VEGFC: variants seen among roughly 807,000 people sequenced by gnomAD.
The protein encoded by VEGFC is FLT4 ligand DHM.
Under a neutral mutation model 46.1 loss-of-function variants are expected in VEGFC, and 12 were observed. That is an observed-to-expected ratio of 0.26 (90% CI 0.17 to 0.42). The LOEUF (loss-of-function observed/expected upper bound fraction) is 0.42. VEGFC is among the 10% of genes least tolerant of loss of function. The pLI is 1.00. For synonymous variants in VEGFC, 232 were observed against 195.5 expected, an observed-to-expected ratio of 1.19 and a Z score of -1.56; for missense variants, 488 against 529.4, an observed-to-expected ratio of 0.92 and a Z score of 0.77.
At chr4:176,715,085 A>G (rs1186547849) in intron 3 of VEGFC, among the ~76,000 whole-genome samples, 1 of 152,182 alleles carries the variant, frequency 6.6e-6, no homozygotes, top group Non-Finnish European at 1.5e-5. Flanking sequence ...ACAGTTGGAG[A>G]GAAAAAAATC....
intron 1 of VEGFC, among the ~76,000 whole-genome samples, chr4:176,784,593 T>A (rs4568191): frequency 4.8e-4 from 71 of 148,844 alleles, no homozygotes; most frequent in East Asian, 1.0e-3. Context: ...TAAAAAAATA[T>A]AAAAAAAAAA....
At chr4:176,703,430 C>T (rs1317541799) in intron 4 of VEGFC, among the ~76,000 whole-genome samples, 1 of 151,868 alleles carries the variant, frequency 6.6e-6, no homozygotes, top group South Asian at 2.1e-4. Flanking sequence ...AAGTGAATCT[C>T]ACGGAAGTAG....
At chr4:176,729,909 T>C (rs1734933635) in intron 1 of VEGFC, among the ~76,000 whole-genome samples, 163 bp from the exon 2 acceptor site, 1 of 152,214 alleles carries the variant, frequency 6.6e-6, no homozygotes, top group Non-Finnish European at 1.5e-5. Context: ...AAATTATATT[T>C]GTATTTTAAT....
intron 1 of VEGFC, among the ~76,000 whole-genome samples, chr4:176,771,106 G>C (rs1735714583): frequency 6.6e-6 from 1 of 152,058 alleles, no homozygotes; most frequent in Non-Finnish European, 1.5e-5. Context: ...AGTTAACCTG[G>C]TTTTTGCTAG....
intron 1 of VEGFC, among the ~76,000 whole-genome samples, chr4:176,781,024 G>A (rs1012955221): frequency 2.0e-5 from 3 of 151,992 alleles, no homozygotes; most frequent in Admixed American, 6.6e-5. Flanking sequence ...AGGCTTCACT[G>A]CTACCAATAT....
chr4:176,715,474 G>A (rs1363181721), intron 3 of VEGFC, among the ~76,000 whole-genome samples: 1 of 152,020 alleles, frequency 6.6e-6, no homozygotes, highest in Non-Finnish European at 1.5e-5. Flanking sequence ...TGCCATCTGG[G>A]TATGTATTAA....
At chr4:176,692,311 G>T (rs1041505895) in intron 4 of VEGFC, among the ~76,000 whole-genome samples, 2 of 134,020 alleles carry the variant, frequency 1.5e-5, no homozygotes, top group Non-Finnish European at 3.0e-5. Flanking sequence ...GGAGAATGGC[G>T]TGAACCCGGC....
At position 176,730,999 on chromosome 4, in the gene VEGFC, T is replaced by C. The variant is rs531580051; in HGVS notation, c.148-1253A>G. Among the ~76,000 whole-genome samples, 5 of 152,256 alleles carry C rather than the reference T, an allele frequency of 3.3e-5. No individual in the cohort carries two copies. The South Asian group carries it at 6.2e-4, about 19-fold the overall frequency. On this transcript the variant is annotated intron_variant, in intron 1 of 6. Coordinates refer to ENST00000618562, the MANE Select transcript of VEGFC (RefSeq NM_005429.5). ...TGAAGTTGGCTGTGAATGTTGAGTTTACCCTTTCACTACCATTTATGGTAT... is the reference window on the plus strand; with the variant it reads ...TGAAGTTGGCTGTGAATGTTGAGTTCACCCTTTCACTACCATTTATGGTAT...
intron 1 of VEGFC, among the ~76,000 whole-genome samples, chr4:176,735,018 G>C (rs558888011): frequency 5.9e-5 from 9 of 151,534 alleles, no homozygotes; most frequent in Admixed American, 1.3e-4. Flanking sequence ...GCTATCTATA[G>C]ATGATGAAGA....
chr4:176,766,880 T>G (rs1735634139), intron 1 of VEGFC, among the ~76,000 whole-genome samples: 2 of 151,786 alleles, frequency 1.3e-5, no homozygotes, highest in Admixed American at 6.6e-5. Context: ...GCAATAAAGC[T>G]TCTACAAGAC....
At chr4:176,752,086 T>C (rs1453483734) in intron 1 of VEGFC, among the ~76,000 whole-genome samples, 2 of 152,040 alleles carry the variant, frequency 1.3e-5, no homozygotes, top group South Asian at 2.1e-4. Context: ...CAAAATGTAA[T>C]AGTTATTTTT....
At chr4:176,766,127 A>G (rs191917007) in intron 1 of VEGFC, among the ~76,000 whole-genome samples, 1 of 152,214 alleles carries the variant, frequency 6.6e-6, no homozygotes, top group Admixed American at 6.5e-5. Flanking sequence ...AGAAAAACTT[A>G]AAAATGATTA....
chr4:176,693,407 C>T (rs1408667255), intron 4 of VEGFC, among the ~76,000 whole-genome samples: 3 of 136,482 alleles, frequency 2.2e-5, no homozygotes, highest in African/African-American at 3.4e-5. Context: ...TGAAATGAAG[C>T]GAGAAGGGAA....
rs1298242451 is a variant in VEGFC, at chr4:176,687,202, T to G, written c.1130A>C (p.His377Pro). 1 of 1,611,978 alleles carries G rather than the reference T, an allele frequency of 6.2e-7. No individual in the cohort carries two copies. The highest frequency in any genetic ancestry group is 1.3e-5 in the African/African-American group (1 of 74,740). ...GATCTCTTACCTGCATGTTTGGTGG[T>G]GGAACTTCTTTCCTTTTAACAAGCA... ...QKCLLKGKKF[H>P]HQTCSCYRRP... Residue 377 changes from histidine (H) to proline (P), a missense_variant, in exon 6 of 7, where the codon CAC becomes CCC. His to Pro is a moderately conservative substitution (Grantham distance 77, BLOSUM62 -2). Coordinates refer to ENST00000618562, the MANE Select transcript of VEGFC (RefSeq NM_005429.5).
At chr4:176,691,248 T>G (rs1734173859) in intron 4 of VEGFC, among the ~76,000 whole-genome samples, 1 of 152,232 alleles carries the variant, frequency 6.6e-6, no homozygotes, top group Non-Finnish European at 1.5e-5. Context: ...AAAGCATTTC[T>G]CCTTACAGAA....
intron 1 of VEGFC, 128 bp from the exon 2 acceptor site, chr4:176,729,874 C>G: frequency 2.0e-6 from 1 of 504,972 alleles, no homozygotes; most frequent in Non-Finnish European, 3.1e-6. Flanking sequence ...TTAATTACTC[C>G]TAAATTACTT....
At chr4:176,712,004 T>G (rs1383530336) in intron 3 of VEGFC, among the ~76,000 whole-genome samples, 1 of 152,140 alleles carries the variant, frequency 6.6e-6, no homozygotes, top group Non-Finnish European at 1.5e-5. Flanking sequence ...ATTTAAAATA[T>G]TCCAGGGATT....
chr4:176,685,548 C>T (rs1734024549), intron 6 of VEGFC, among the ~76,000 whole-genome samples: 1 of 151,896 alleles, frequency 6.6e-6, no homozygotes, highest in Non-Finnish European at 1.5e-5. Flanking sequence ...GAAATATTGT[C>T]TGTGTTCATA....
intron 1 of VEGFC, among the ~76,000 whole-genome samples, chr4:176,745,631 T>C (rs1211820488): frequency 1.3e-5 from 2 of 152,172 alleles, no homozygotes; most frequent in South Asian, 2.1e-4. Context: ...CTGCTAACAC[T>C]ATACTGGGAC....
Sources: allele counts gnomAD v4.1 joint callset (sites outside exome capture counted in the v4.1 genomes callset), GRCh38; gene constraint gnomAD v4.1.1; transcripts MANE v1.5; gene names NCBI Gene and HGNC (gene_info 2026-07-23, HGNC 2026-07-21).